The following TENT5A variants were observed in gnomAD, a reference collection of about 807,000 sequenced individuals.
TENT5A encodes HBV X-transactivated gene 11 protein.
Under a neutral mutation model 30.2 loss-of-function variants are expected in TENT5A, and 9 were observed. The observed-to-expected ratio is 0.30, with a 90% confidence interval of 0.18 to 0.52. The LOEUF (loss-of-function observed/expected upper bound fraction) is 0.52. Among genes scored for constraint, TENT5A ranks in the 20% least tolerant of loss-of-function variants. The pLI is 0.97. For synonymous variants in TENT5A, 264 were observed against 234.2 expected (o/e 1.13, Z -1.16); for missense variants, 411 against 566.1 (o/e 0.73, Z 2.78).
Position 81,752,011 on chromosome 6 carries a change from CCGCCGAAG to C in TENT5A, c.123_130del (p.Asp41GlufsTer150). The stretch of plus-strand genomic sequence containing the variant: ...GCAATGCCCACCGAAGCTGCCGCCA[CCGCCGAAG>C]TCGCCGCCGCCGAAGTCGCCGCCGC... On this transcript the variant is annotated frameshift_variant, in exon 2 of 3. Transcript: ENST00000320172. LOFTEE classifies it high-confidence loss of function. 13 of 1,068,598 alleles carry C rather than the reference CCGCCGAAG, an allele frequency of 1.2e-5. No individual in the cohort carries two copies. The highest frequency in any genetic ancestry group is 1.5e-5 in the Non-Finnish European group (12 of 823,878). The allele number at this position is 1,068,598 out of a possible 1,614,324, so 66.2% of individuals were successfully genotyped here.
intron 1 of TENT5A, 33 bp downstream of exon 1, chr6:81,752,398 G>A (rs925562659): frequency 6.5e-7 from 1 of 1,549,666 alleles, no homozygotes; most frequent in African/African-American, 1.4e-5. Flanking sequence ...TGATGCATCT[G>A]GAAAGCGCAA....
rs1562140779 is a variant in TENT5A at position 81,746,249 on chromosome 6, A to C, written c.*3446T>G. ...ACACTTCATCTTCAACAACAACAAAAAAGCTTATTTTTGAACTGACAGCTT... is the reference window on the plus strand; with the variant it reads ...ACACTTCATCTTCAACAACAACAAACAAGCTTATTTTTGAACTGACAGCTT... On this transcript the variant is annotated 3_prime_UTR_variant, in exon 3 of 3. Coordinates refer to ENST00000320172, the MANE Select transcript of TENT5A (RefSeq NM_017633.3). 2 of 1,160,124 alleles carry C rather than the reference A, an allele frequency of 1.7e-6. No homozygotes were observed. Among genetic ancestry groups the C allele is most frequent in the African/African-American group, 3.2e-5 (2 of 63,066 alleles). The allele number at this position is 1,160,124 out of a possible 1,614,324, so 71.9% of individuals were successfully genotyped here.
chr6:81,749,715 T>A lies in TENT5A; in HGVS notation c.1309A>T (p.Thr437Ser). The A allele has an allele frequency of 6.2e-7, 1 of 1,611,612 alleles. No individual in the cohort carries two copies. The highest frequency in any genetic ancestry group is 8.5e-7 in the Non-Finnish European group (1 of 1,178,776). Residue 437 changes from threonine to serine, a missense_variant, in exon 3 of 3, where the codon ACT becomes TCT. By Grantham distance (58) the Thr-to-Ser change is moderately conservative. Coordinates refer to ENST00000320172, the MANE Select transcript of TENT5A (RefSeq NM_017633.3). ...VFTCQQQTYS[T>S]WLPCN Reference sequence around the variant, plus strand: ...GATTCTTAATTGCAGGGTAGCCAAGTGGAGTAGGTCTGTTGCTGGCACGTG... The same window carrying A: ...GATTCTTAATTGCAGGGTAGCCAAGAGGAGTAGGTCTGTTGCTGGCACGTG...
At position 81,748,888 on chromosome 6, in the gene TENT5A, T is replaced by C. The variant is rs1768940623; in HGVS notation, c.*807A>G. ...AAGGCAACAGGCACTTTGATGTATATTGGTGTGTAACAAATATAATCTCTC... is the reference window on the plus strand; with the variant it reads ...AAGGCAACAGGCACTTTGATGTATACTGGTGTGTAACAAATATAATCTCTC... On this transcript the variant is annotated 3_prime_UTR_variant, in exon 3 of 3. Coordinates refer to ENST00000320172, the MANE Select transcript of TENT5A (RefSeq NM_017633.3). 2.0e-6 allele frequency: 2 copies of C among 985,412 alleles called. No homozygotes were observed. Among genetic ancestry groups the C allele is most frequent in the Non-Finnish European group, 2.4e-6 (2 of 829,506 alleles). The allele number at this position is 985,412 out of a possible 1,614,324, so 61.0% of individuals were successfully genotyped here.
rs1430725219 is a variant in TENT5A, at chr6:81,752,428, C to T, written c.-38+3G>A. ...GCGCAAGCGAGAGTCCCGTCTGTGT[C>T]ACCTGGAGGCGGCCGCCCCTTCTAG... On this transcript the variant is annotated splice_donor_region_variant and intron_variant, in intron 1 of 2. Coordinates refer to ENST00000320172, the MANE Select transcript of TENT5A (RefSeq NM_017633.3). 2 of 1,550,124 alleles carry T rather than the reference C, an allele frequency of 1.3e-6. No individual in the cohort carries two copies. The highest frequency in any genetic ancestry group is 1.7e-6 in the Non-Finnish European group (2 of 1,146,930).
rs1310418703 is a variant in TENT5A, at chr6:81,747,385, G to A, written c.*2310C>T. On this transcript the variant is annotated 3_prime_UTR_variant, in exon 3 of 3. Transcript: ENST00000320172. ...GCTTAAGTGAGGGAGACTGAGCCAA[G>A]ATGGTAGTAGGAGGAGTTCCTTAGA... 2 of 985,770 alleles carry A rather than the reference G, an allele frequency of 2.0e-6. No individual in the cohort carries two copies. Among genetic ancestry groups the A allele is most frequent in the Admixed American group, 6.1e-5 (1 of 16,266 alleles). The allele number at this position is 985,770 out of a possible 1,614,324, so 61.1% of individuals were successfully genotyped here.
At position 81,745,968 on chromosome 6, in the gene TENT5A, T is replaced by C. The variant is rs1768876611; in HGVS notation, c.*3727A>G. The C allele has an allele frequency of 1.0e-6, 1 of 985,876 alleles. No homozygotes were observed. The highest frequency in any genetic ancestry group is 1.1e-4 in the East Asian group (1 of 8,810). 61.1% of individuals were successfully genotyped at this position (985,876 alleles called of 1,614,324 possible). On this transcript the variant is annotated 3_prime_UTR_variant, in exon 3 of 3. Transcript: ENST00000320172. ...AAAGCAGGCATGATTGTAGAGAGGTTGGAGGGAGAGACAGCCAGCAGGCAG... is the reference window on the plus strand; with the variant it reads ...AAAGCAGGCATGATTGTAGAGAGGTCGGAGGGAGAGACAGCCAGCAGGCAG...
intron 1 of TENT5A, 78 bp from the exon 2 acceptor site, chr6:81,752,256 G>T (rs1769062412): frequency 2.0e-6 from 3 of 1,477,090 alleles, no homozygotes; most frequent in Admixed American, 2.7e-5. Flanking sequence ...GCAGAGGCCC[G>T]CCAGGAAAAG....
In TENT5A at chr6:81,749,411, T is replaced by TCA. The variant is rs1219312931; in HGVS notation, c.*282_*283dup. On this transcript the variant is annotated 3_prime_UTR_variant, in exon 3 of 3. Transcript: ENST00000320172. ...GTCATCACACATTTCTTCTCTTGTA[T>TCA]CAGGAGAACCTGGTTGCTTCTAATG... is the stretch of plus-strand genomic sequence containing the variant. The TCA allele has an allele frequency of 8.6e-7, 1 of 1,167,012 alleles. No individual in the cohort carries two copies. Among genetic ancestry groups the TCA allele is most frequent in the Non-Finnish European group, 1.1e-6 (1 of 946,336 alleles). The allele number at this position is 1,167,012 out of a possible 1,614,324, so 72.3% of individuals were successfully genotyped here.
Position 81,745,846 on chromosome 6 carries a change from A to G in TENT5A, c.*3849T>C. On this transcript the variant is annotated 3_prime_UTR_variant, in exon 3 of 3. Transcript: ENST00000320172. ...TTCAAACATGTCAGTTTTTTAGTCC[A>G]TTTTCCATCAACTCCTTTTCTGCCT... The G allele has an allele frequency of 1.0e-6, 1 of 985,826 alleles. No individual in the cohort carries two copies. Among genetic ancestry groups the G allele is most frequent in the Non-Finnish European group, 1.2e-6 (1 of 829,922 alleles). The allele number at this position is 985,826 out of a possible 1,614,324, so 61.1% of individuals were successfully genotyped here.
rs1768910733 is a variant in TENT5A at position 81,747,500 on chromosome 6, T to C, written c.*2195A>G. 1.0e-6 allele frequency: 1 copy of C among 985,710 alleles called. No individual in the cohort carries two copies. Among genetic ancestry groups the C allele is most frequent in the Non-Finnish European group, 1.2e-6 (1 of 829,930 alleles). 61.1% of individuals were successfully genotyped at this position (985,710 alleles called of 1,614,324 possible). ...AAACCCATCAGGTTCCCATTAAGGC[T>C]TCAAAGAAAGATGCACAAAAGGTAG... On this transcript the variant is annotated 3_prime_UTR_variant, in exon 3 of 3. Transcript: ENST00000320172.
chr6:81,748,870 CA>C lies in TENT5A; in HGVS notation c.*824del. On this transcript the variant is annotated 3_prime_UTR_variant, in exon 3 of 3. Transcript: ENST00000320172. ...GCCACTTCAAATTTTCAGAAGGCAACAGGCACTTTGATGTATATTGGTGTGT... is the reference window on the plus strand; with the variant it reads ...GCCACTTCAAATTTTCAGAAGGCAACGGCACTTTGATGTATATTGGTGTGT... 4.1e-6 allele frequency: 4 copies of C among 985,432 alleles called. No homozygotes were observed. The highest frequency in any genetic ancestry group is 4.8e-6 in the Non-Finnish European group (4 of 829,564). 61.0% of individuals were successfully genotyped at this position (985,432 alleles called of 1,614,324 possible).
rs563838188 is a variant in TENT5A, at chr6:81,746,031, G to A, written c.*3664C>T. 299 of 985,694 alleles carry A rather than the reference G, an allele frequency of 3.0e-4. No individual in the cohort carries two copies. The Admixed American group carries it at 3.8e-3, about 13-fold the overall frequency. 61.1% of individuals were successfully genotyped at this position (985,694 alleles called of 1,614,324 possible). Reference sequence around the variant, plus strand: ...TCTGCAAGGCTTTGCAGCAAGTCTCGTTAACTTGACATCTTCCAACTTTGT... The same window carrying A: ...TCTGCAAGGCTTTGCAGCAAGTCTCATTAACTTGACATCTTCCAACTTTGT... On this transcript the variant is annotated 3_prime_UTR_variant, in exon 3 of 3. Transcript: ENST00000320172.
rs1377153650 is a variant in TENT5A, at chr6:81,752,665, A to C, written c.-272T>G. The C allele has an allele frequency of 1.4e-6, 1 of 717,592 alleles. No homozygotes were observed. The highest frequency in any genetic ancestry group is 1.7e-5 in the African/African-American group (1 of 57,254). The allele number at this position is 717,592 out of a possible 1,614,324, so 44.5% of individuals were successfully genotyped here. A position where few individuals can be genotyped will look rare whatever the true frequency, so the allele number is the denominator to read the frequency against. Reference sequence around the variant, plus strand: ...CTGCCACACACGCTCGTGTCTCTGGAGCTTTAGCAGTTGTGCGGGGAAAAT... The same window carrying C: ...CTGCCACACACGCTCGTGTCTCTGGCGCTTTAGCAGTTGTGCGGGGAAAAT... On this transcript the variant is annotated 5_prime_UTR_variant, in exon 1 of 3. Transcript: ENST00000320172.
chr6:81,752,225 GAGC>G lies in TENT5A; in HGVS notation c.-37-50_-37-48del, dbSNP rs1769061044. On this transcript the variant is annotated intron_variant, in intron 1 of 2. Coordinates refer to ENST00000320172, the MANE Select transcript of TENT5A (RefSeq NM_017633.3). ...CGCGGTGAGGACGCGCGGCGGCGGA[GAGC>G]ACGCGCGGCGGCGGAGAGCAGAGGC... 3.2e-6 allele frequency: 4 copies of G among 1,254,778 alleles called. No individual in the cohort carries two copies. The African/African-American group carries it at 8.7e-5, about 27-fold the overall frequency. The allele number at this position is 1,254,778 out of a possible 1,614,324, so 77.7% of individuals were successfully genotyped here. A position where few individuals can be genotyped will look rare whatever the true frequency, so the allele number is the denominator to read the frequency against.
Position 81,750,000 on chromosome 6 carries a change from T to A in TENT5A, c.1024A>T (p.Asn342Tyr). Residue 342 changes from asparagine (N) to tyrosine (Y), a missense_variant, in exon 3 of 3, where the codon AAC becomes TAC. Around this residue, in one of 5 missense-constraint regions of TENT5A, gnomAD observed 135 missense variants for 240.0 expected, o/e 0.56. Transcript: ENST00000320172. ...QQRKLESYLQ[N>Y]HFVGLEDRKY... ...CGGTCTTCCAATCCCACAAAGTGGTTCTGCAAATAGGACTCCAGTTTTCTC... is the reference window on the plus strand; with the variant it reads ...CGGTCTTCCAATCCCACAAAGTGGTACTGCAAATAGGACTCCAGTTTTCTC... 6.2e-7 allele frequency: 1 copy of A among 1,614,212 alleles called. No homozygotes were observed. Among genetic ancestry groups the A allele is most frequent in the Non-Finnish European group, 8.5e-7 (1 of 1,180,044 alleles).
Position 81,748,110 on chromosome 6 carries a change from T to G in TENT5A, c.*1585A>C, listed in dbSNP as rs1250890799. The G allele has an allele frequency of 2.0e-6, 2 of 984,992 alleles. No homozygotes were observed. Among genetic ancestry groups the G allele is most frequent in the East Asian group, 2.3e-4 (2 of 8,824 alleles). The allele number at this position is 984,992 out of a possible 1,614,324, so 61.0% of individuals were successfully genotyped here. A position where few individuals can be genotyped will look rare whatever the true frequency, so the allele number is the denominator to read the frequency against. ...ATTCTGTAAAAAGGGTCATTTCACA[T>G]TACTAAATTCTAGTGGTCCAGAAAT... On this transcript the variant is annotated 3_prime_UTR_variant, in exon 3 of 3. Coordinates refer to ENST00000320172, the MANE Select transcript of TENT5A (RefSeq NM_017633.3).
Position 81,749,566 on chromosome 6 carries a change from G to A in TENT5A, c.*129C>T, listed in dbSNP as rs1724106409. ...ATAAGCTTTGCCAAACTTAAAACCA[G>A]GAGCATATCATCATTGCACAAAACA... On this transcript the variant is annotated 3_prime_UTR_variant, in exon 3 of 3. Transcript: ENST00000320172. 7.0e-7 allele frequency: 1 copy of A among 1,420,966 alleles called. No homozygotes were observed. The highest frequency in any genetic ancestry group is 9.2e-7 in the Non-Finnish European group (1 of 1,090,424). 88.0% of individuals were successfully genotyped at this position (1,420,966 alleles called of 1,614,324 possible). A position where few individuals can be genotyped will look rare whatever the true frequency, so the allele number is the denominator to read the frequency against.
In TENT5A at chr6:81,750,450, C is replaced by T. The variant is rs1471297253; in HGVS notation, c.574G>A (p.Val192Ile). The T allele has an allele frequency of 2.6e-6, 4 of 1,547,392 alleles. No individual in the cohort carries two copies. Residue 192 changes from valine to isoleucine, a missense_variant, in exon 3 of 3, where the codon GTT (valine) becomes ATT (isoleucine). Val to Ile is a conservative substitution (Grantham distance 29). This residue lies in a region of TENT5A where 135 missense variants were observed against 240.0 expected (regional missense o/e 0.56). Transcript: ENST00000320172. The surrounding 1 kb of genome is among the most constrained non-coding windows in gnomAD (Gnocchi z 4.2). Reference sequence around the variant, plus strand: ...CGGTCAGAGTCATTGCACACTTTAACCATTTTCTGCACATAAGCTTCCTAC... The same window carrying T: ...CGGTCAGAGTCATTGCACACTTTAATCATTTTCTGCACATAAGCTTCCTAC... Reference protein sequence around the residue: ...TLKEAYVQKMVKVCNDSDRWS... With the variant: ...TLKEAYVQKMIKVCNDSDRWS...
Sources: gnomAD v4.1 joint callset for allele counts on GRCh38, gnomAD v4.1.1 for gene constraint, gnomAD v4.1.1 regional missense constraint, Gnocchi (gnomAD v3.1) non-coding constraint, MANE v1.5 for transcripts, NCBI Gene and HGNC (gene_info 2026-07-23, HGNC 2026-07-21) for gene names.